The following EIF4G3 variants were observed in gnomAD, a reference collection of about 807,000 sequenced individuals.
EIF4G3 encodes eIF-4-gamma 3.
Under a neutral mutation model 186.4 loss-of-function variants are expected in EIF4G3, and 34 were observed. The observed-to-expected ratio is 0.18, with a 90% CI of 0.14 to 0.24. EIF4G3 has a LOEUF of 0.24. Among genes scored for constraint, EIF4G3 ranks in the 10% least tolerant of loss-of-function variants. The pLI, the probability that EIF4G3 is intolerant of heterozygous loss-of-function variation, is 1.00. For synonymous variants in EIF4G3, 673 were observed against 679.5 expected (o/e 0.99, Z 0.15); for missense variants, 1,536 against 1,948.5 (o/e 0.79, Z 3.99).
intron 2 of EIF4G3, among the ~76,000 whole-genome samples, chr1:21,114,133 CACTTGAAAGCTGT>C: frequency 6.6e-6 from 1 of 152,038 alleles, no homozygotes; most frequent in African/African-American, 2.4e-5. Context: ...TTCTAATTTT[CACTTGAAAGCTGT>C]ACTTTTTTTT....
In EIF4G3 at chr1:21,089,161, C is replaced by A. The variant is rs1296527393; in HGVS notation, c.-219G>T. The A allele has an allele frequency of 5.6e-6, 4 of 717,110 alleles. No homozygotes were observed. Among genetic ancestry groups the A allele is most frequent in the Non-Finnish European group, 1.0e-5 (4 of 384,996 alleles). 44.4% of individuals were successfully genotyped at this position (717,110 alleles called of 1,614,324 possible). ...ACCGTGCTGTAGACTGCTGAGACAG[C>A]GGGAGTGAAGATTCGATCCTCAAGA... is the stretch of plus-strand genomic sequence containing the variant. On this transcript the variant is annotated 5_prime_UTR_variant, in exon 3 of 37. Transcript: ENST00000602326.
At chr1:21,034,108 AT>A (rs1557632308) in intron 4 of EIF4G3, among the ~76,000 whole-genome samples, 1 of 151,906 alleles carries the variant, frequency 6.6e-6, no homozygotes, top group Non-Finnish European at 1.5e-5. Context: ...AACAAAGAAA[AT>A]TTTTTTCTGG....
intron 33 of EIF4G3, among the ~76,000 whole-genome samples, chr1:20,823,972 C>T (rs571596163): frequency 6.6e-6 from 1 of 152,362 alleles, no homozygotes; most frequent in African/African-American, 2.4e-5. Context: ...TTTGCTGCTT[C>T]TGGGAGCCAA....
chr1:21,126,529 G>A (rs2097048703), intron 2 of EIF4G3, among the ~76,000 whole-genome samples: 1 of 152,036 alleles, frequency 6.6e-6, no homozygotes, highest in Non-Finnish European at 1.5e-5. Context: ...GGTAGCACCT[G>A]CCTGTAGTCA....
intron 7 of EIF4G3, among the ~76,000 whole-genome samples, chr1:20,984,266 A>G (rs933426446): frequency 2.0e-5 from 3 of 151,550 alleles, no homozygotes; most frequent in Non-Finnish European, 4.4e-5. Context: ...CCTGGGTTCA[A>G]GCGATTCTCC....
chr1:20,867,750 A>C (rs139496587), intron 20 of EIF4G3, among the ~76,000 whole-genome samples: 1 of 152,238 alleles, frequency 6.6e-6, no homozygotes, highest in African/African-American at 2.4e-5. Flanking sequence ...ACTAAGCAAT[A>C]AAGAGAAAAT....
At chr1:20,896,449 AAAAG>A (rs2154556142) in intron 16 of EIF4G3, among the ~76,000 whole-genome samples, 1 of 151,178 alleles carries the variant, frequency 6.6e-6, no homozygotes, top group African/African-American at 2.4e-5. Context: ...AAAAAAAAAA[AAAAG>A]AAAAAGAAAA....
intron 10 of EIF4G3, among the ~76,000 whole-genome samples, chr1:20,975,457 A>G (rs557842503): frequency 6.1e-4 from 92 of 151,852 alleles, no homozygotes; most frequent in Non-Finnish European, 1.2e-3. Context: ...AGAGCCTGGT[A>G]TATCACATTA....
At chr1:20,893,835 T>G (rs1249895517) in intron 17 of EIF4G3, among the ~76,000 whole-genome samples, 199 bp from the exon 18 acceptor site, 1 of 150,792 alleles carries the variant, frequency 6.6e-6, no homozygotes, top group Non-Finnish European at 1.5e-5. Flanking sequence ...AATGGTTTTC[T>G]GATACGCTGG....
chr1:21,064,042 T>C (rs1470219733), intron 3 of EIF4G3, among the ~76,000 whole-genome samples: 1 of 152,122 alleles, frequency 6.6e-6, no homozygotes, highest in Non-Finnish European at 1.5e-5. Flanking sequence ...GTCATACTTT[T>C]CTCTGTGTTT....
At chr1:20,845,589 G>A (rs1225984302) in intron 29 of EIF4G3, among the ~76,000 whole-genome samples, 1 of 152,030 alleles carries the variant, frequency 6.6e-6, no homozygotes, top group East Asian at 1.9e-4. Flanking sequence ...GTGAACCCAG[G>A]AGGTGGAGCT....
chr1:21,042,573 G>A (rs1221479949), intron 4 of EIF4G3, among the ~76,000 whole-genome samples: 1 of 152,110 alleles, frequency 6.6e-6, no homozygotes, highest in African/African-American at 2.4e-5. Context: ...TATAAAAACA[G>A]TCCTGAATCA....
rs567910727 is a variant in EIF4G3 at position 21,059,598 on chromosome 1, C to T, written c.-195-8604G>A. On this transcript the variant is annotated intron_variant, in intron 3 of 36. Coordinates refer to ENST00000602326, the MANE Select transcript of EIF4G3 (RefSeq NM_001391906.1). ...GCATTCCTCCTTGCTCTACTCTTAC[C>T]TATACTTAATAGGTTGAATTACATG... Among the ~76,000 whole-genome samples, 6 of 151,696 alleles carry T rather than the reference C, an allele frequency of 4.0e-5. No homozygotes were observed. In the South Asian group the frequency reaches 1.3e-3, roughly 32 times the overall value.
At chr1:21,091,964 C>T (rs1464921482) in intron 2 of EIF4G3, among the ~76,000 whole-genome samples, 3 of 152,146 alleles carry the variant, frequency 2.0e-5, no homozygotes, top group South Asian at 4.1e-4. Flanking sequence ...TTCCTCTTTT[C>T]CTAATTGAAT....
intron 4 of EIF4G3, among the ~76,000 whole-genome samples, chr1:21,005,507 C>G (rs570638186): frequency 6.6e-6 from 1 of 152,194 alleles, no homozygotes; most frequent in East Asian, 1.9e-4. Context: ...TCATAGCTGT[C>G]GTACTATTGA....
chr1:20,877,702 AT>A (rs2081262100), intron 20 of EIF4G3, among the ~76,000 whole-genome samples: 2 of 152,328 alleles, frequency 1.3e-5, no homozygotes, highest in South Asian at 4.1e-4. Context: ...ATTTATTTTA[AT>A]TAATTTTATC....
intron 4 of EIF4G3, among the ~76,000 whole-genome samples, chr1:21,047,198 T>C (rs1214328570): frequency 6.6e-6 from 1 of 152,210 alleles, no homozygotes; most frequent in Non-Finnish European, 1.5e-5. Flanking sequence ...CTTCTTTCCA[T>C]TACCATCCAT....
At chr1:21,024,615 A>T (rs533788416) in intron 4 of EIF4G3, among the ~76,000 whole-genome samples, 115 of 150,414 alleles carry the variant, frequency 7.6e-4, no homozygotes, top group African/African-American at 2.7e-3. Flanking sequence ...TCTCTGAAAC[A>T]TGTGCTGTGT....
chr1:20,921,321 C>T (rs1003741567), intron 14 of EIF4G3, among the ~76,000 whole-genome samples: 5 of 152,084 alleles, frequency 3.3e-5, no homozygotes, highest in Non-Finnish European at 7.4e-5. Context: ...ACTAAAGTAA[C>T]GAAGGTAATT....
Sources: gnomAD v4.1 joint callset for allele counts (sites outside exome capture counted in the v4.1 genomes callset) on GRCh38, gnomAD v4.1.1 for gene constraint, MANE v1.5 for transcripts, NCBI Gene and HGNC (gene_info 2026-07-23, HGNC 2026-07-21) for gene names.